PINLYP: variants seen among roughly 807,000 people sequenced by gnomAD.
The protein encoded by PINLYP is phospholipase A2 inhibitor and LY6/PLAUR domain containing.
Under a neutral mutation model 15.8 loss-of-function variants are expected in PINLYP, and 12 were observed. The ratio of observed to expected loss-of-function variants is 0.76; its 90% CI spans 0.49 to 1.23. The LOEUF (loss-of-function observed/expected upper bound fraction) is 1.23. Ranked by LOEUF, PINLYP falls within the 50% of genes most tolerant of loss-of-function variation. The pLI, the probability that PINLYP is intolerant of heterozygous loss-of-function variation, is 0.00. For missense variants in PINLYP, 278 were observed against 264.2 expected, an observed-to-expected ratio of 1.05 and a Z score of -0.36; for synonymous variants, 93 against 97.7, an observed-to-expected ratio of 0.95 and a Z score of 0.28.
chr19:43,581,721 C>T lies in PINLYP; in HGVS notation c.481+18C>T. The T allele has an allele frequency of 6.5e-7, 1 of 1,535,936 alleles. No homozygotes were observed. The highest frequency in any genetic ancestry group is 8.7e-7 in the Non-Finnish European group (1 of 1,146,792). On this transcript the variant is annotated intron_variant, in intron 5 of 5. Transcript: ENST00000599207. The stretch of plus-strand genomic sequence containing the variant: ...GCAGGCTGGTGAGTGGTGCCTGAAT[C>T]TCTGGAAAAGGAAACAGAACTAGAG...
At chr19:43,575,609 C>G, upstream of PINLYP, 1 of 682,354 alleles carries the variant, frequency 1.5e-6, no homozygotes. Context: ...GGCGCGCCGG[C>G]GCCGGCGTCG....
intron 3 of PINLYP, chr19:43,580,751 A>C: frequency 2.2e-6 from 2 of 898,474 alleles, no homozygotes; most frequent in Non-Finnish European, 2.7e-6. Flanking sequence ...CTAAGAAAGC[A>C]CTCCAGGCCA....
At chr19:43,580,732 G>A (rs1392759523) in intron 3 of PINLYP, 3 of 965,838 alleles carry the variant, frequency 3.1e-6, no homozygotes, top group South Asian at 4.8e-5. Context: ...CAGCGGGAGG[G>A]AGGGCTACCT....
exon 2 of PINLYP, chr19:43,577,183 A>T: frequency 1.3e-6 from 2 of 1,536,004 alleles, no homozygotes; most frequent in South Asian, 2.4e-5. Context: ...TACTGCTGAT[A>T]CACACACCAT....
intron 3 of PINLYP, among the ~76,000 whole-genome samples, chr19:43,579,740 A>T (rs1339090540): frequency 2.0e-5 from 3 of 151,186 alleles, no homozygotes; most frequent in African/African-American, 7.3e-5. Flanking sequence ...TCTACAGAAA[A>T]AAAAAAAAAA....
intron 2 of PINLYP, 55 bp downstream of exon 2, chr19:43,577,316 AGATT>A: frequency 1.3e-6 from 2 of 1,499,928 alleles, no homozygotes; most frequent in South Asian, 1.2e-5. Context: ...GAGAGGTCCC[AGATT>A]GAGAGAGAGA....
At chr19:43,582,074 G>A (rs1397187751) in exon 6 of PINLYP, 1 of 1,497,498 alleles carries the variant, frequency 6.7e-7, no homozygotes, top group African/African-American at 1.4e-5. Context: ...CTCCCCGTGT[G>A]CCTATAAAGA....
At chr19:43,575,582 C>A, upstream of PINLYP, 1 of 1,075,174 alleles carries the variant, frequency 9.3e-7, no homozygotes, top group South Asian at 1.8e-5. Flanking sequence ...GCGCGAGGCT[C>A]GGGCCTTTCA....
At chr19:43,581,676 G>T in exon 5 of PINLYP, 1 of 1,536,382 alleles carries the variant, frequency 6.5e-7, no homozygotes, top group Non-Finnish European at 8.7e-7. Context: ...AAACCACTGC[G>T]TCTCCTTATC....
In PINLYP at chr19:43,580,401, A is replaced by G. The variant is rs1972915730; in HGVS notation, c.188-811A>G. 7.1e-6 allele frequency: 3 copies of G among 423,316 alleles called. No individual in the cohort carries two copies. In the South Asian group the frequency reaches 3.0e-4, roughly 42 times the overall value. 26.2% of individuals were successfully genotyped at this position (423,316 alleles called of 1,614,324 possible). Reference sequence around the variant, plus strand: ...CCTGAAAATAGCCAAGAGGGGCAGCAAGAGACCCTCGTTGGGAGGTCTGAG... The same window carrying G: ...CCTGAAAATAGCCAAGAGGGGCAGCGAGAGACCCTCGTTGGGAGGTCTGAG... On this transcript the variant is annotated intron_variant, in intron 3 of 5. Transcript: ENST00000599207.
In PINLYP at chr19:43,578,725, G is replaced by C. The variant is rs1415975309; in HGVS notation, c.187+19G>C. ...ACTTCAAGTAAGAGGATGTGGCCTG[G>C]GACCTGGTGGGGAGGTGGGGTGTAC... On this transcript the variant is annotated intron_variant, in intron 3 of 5. Transcript: ENST00000599207. The C allele has an allele frequency of 6.6e-7, 1 of 1,520,728 alleles. No homozygotes were observed. The highest frequency in any genetic ancestry group is 8.8e-7 in the Non-Finnish European group (1 of 1,133,140). 94.2% of individuals were successfully genotyped at this position (1,520,728 alleles called of 1,614,324 possible). A position where few individuals can be genotyped will look rare whatever the true frequency, so the allele number is the denominator to read the frequency against.
rs1972865743 is a variant in PINLYP at position 43,576,494 on chromosome 19, A to ACC, written c.-500_-499dup. On this transcript the variant is annotated 5_prime_UTR_variant, in exon 1 of 6. An upstream open reading frame in the 5' UTR gains an earlier in-frame stop. Coordinates refer to ENST00000599207, the Ensembl canonical transcript of PINLYP. ...ACCCCCACCACACACACACACACACACCCCTATCCTGGAGTTCTTCCACAA... is the reference window on the plus strand; with the variant it reads ...ACCCCCACCACACACACACACACACACCCCCCTATCCTGGAGTTCTTCCACAA... 1.3e-5 allele frequency among the ~76,000 whole-genome samples: 2 copies of ACC among 151,114 alleles called. No individual in the cohort carries two copies. Among genetic ancestry groups the ACC allele is most frequent in the South Asian group, 2.1e-4 (1 of 4,786 alleles).
chr19:43,579,148 G>A (rs1408753639), intron 3 of PINLYP: 2 of 195,274 alleles, frequency 1.0e-5, no homozygotes, highest in African/African-American at 4.7e-5. Context: ...CCTGACCGAG[G>A]GAGGAGAGAT....
intron 2 of PINLYP, among the ~76,000 whole-genome samples, chr19:43,577,767 T>C (rs968231752): frequency 6.6e-6 from 1 of 151,746 alleles, no homozygotes; most frequent in Non-Finnish European, 1.5e-5. Context: ...TTAGCTGAGC[T>C]TGGTGGTGGG....
upstream of PINLYP, chr19:43,575,580 C>A (rs1311700111): frequency 8.2e-6 from 9 of 1,098,174 alleles, no homozygotes; most frequent in Non-Finnish European, 1.1e-5. Flanking sequence ...GCGCGCGAGG[C>A]TCGGGCCTTT....
upstream of PINLYP, chr19:43,575,674 T>G: frequency 2.4e-6 from 1 of 423,154 alleles, no homozygotes. Context: ...CTGCGTTCCT[T>G]AGCAACGAGC....
intron 3 of PINLYP, chr19:43,580,656 TC>T (rs1167126064): frequency 1.0e-6 from 1 of 985,374 alleles, no homozygotes; most frequent in African/African-American, 1.8e-5. Context: ...AGGGACCACA[TC>T]CAGCAGGCTG....
chr19:43,576,887 G>C, exon 1 of PINLYP: 2 of 363,896 alleles, frequency 5.5e-6, no homozygotes, highest in South Asian at 9.2e-5. Context: ...TGGTCTTCAA[G>C]CAAACAAACA....
exon 6 of PINLYP, chr19:43,581,960 G>A: frequency 6.5e-7 from 1 of 1,536,432 alleles, no homozygotes; most frequent in Non-Finnish European, 8.7e-7. Flanking sequence ...AGGCACCAAT[G>A]TCCTCTTCCT....
Sources: gnomAD v4.1 joint callset for allele counts (sites outside exome capture counted in the v4.1 genomes callset) on GRCh38, gnomAD v4.1.1 for gene constraint, MANE v1.5 for transcripts, NCBI Gene and HGNC (gene_info 2026-07-23, HGNC 2026-07-21) for gene names.